The following PDE10A variants were observed in gnomAD, a reference collection of about 807,000 sequenced individuals.
PDE10A encodes cAMP and cAMP-inhibited cGMP 3',5'-cyclic phosphodiesterase 10A.
A neutral mutation model predicts 97.7 loss-of-function variants in PDE10A; 39 were observed. The ratio of observed to expected loss-of-function variants is 0.40; its 90% CI spans 0.31 to 0.52. The LOEUF is 0.52. PDE10A is among the 20% of genes least tolerant of loss of function. The pLI is 0.56. For synonymous variants in PDE10A, 371 were observed against 376.8 expected, an observed-to-expected ratio of 0.98 and a Z score of 0.18; for missense variants, 731 against 1,047.8, an observed-to-expected ratio of 0.70 and a Z score of 4.17.
chr6:165,540,106 C>T (rs1052061586), intron 2 of PDE10A, among the ~76,000 whole-genome samples: 2 of 152,064 alleles, frequency 1.3e-5, no homozygotes, highest in African/African-American at 4.8e-5. Flanking sequence ...TTCATTCATT[C>T]GAAAATGTGA....
At chr6:165,420,822 C>A (rs1273529437) in intron 10 of PDE10A, among the ~76,000 whole-genome samples, 2 of 152,180 alleles carry the variant, frequency 1.3e-5, no homozygotes, top group Non-Finnish European at 2.9e-5. Context: ...AAATCTTCAA[C>A]AAATTCCCGT....
rs143296549 is a variant in PDE10A at position 165,925,206 on chromosome 6, C to T, written c.-615+62323G>A. Among the ~76,000 whole-genome samples the T allele has an allele frequency of 9.6e-3, 1,458 of 152,270 alleles. 11 individuals are homozygous for T. Among genetic ancestry groups the T allele is most frequent in the Middle Eastern group, 0.024 (7 of 292 alleles). On this transcript the variant is annotated intron_variant, in intron 1 of 19. Transcript: ENST00000366882. ...AGCCTCAATGAGATATCACTATACA[C>T]CTGTCACAATACAAAAAATAAAAAA...
chr6:165,850,577 A>G (rs1166941246), intron 1 of PDE10A, among the ~76,000 whole-genome samples: 1 of 152,122 alleles, frequency 6.6e-6, no homozygotes, highest in Non-Finnish European at 1.5e-5. Flanking sequence ...TCAGAGTAGG[A>G]TCCATTCTGT....
At chr6:165,904,098 G>A (rs1782195302) in intron 1 of PDE10A, among the ~76,000 whole-genome samples, 1 of 152,180 alleles carries the variant, frequency 6.6e-6, no homozygotes, top group African/African-American at 2.4e-5. Flanking sequence ...ATAGGACGTA[G>A]GAGGGTTGTT....
At chr6:165,602,347 G>A (rs921817716) in intron 1 of PDE10A, among the ~76,000 whole-genome samples, 4 of 152,108 alleles carry the variant, frequency 2.6e-5, no homozygotes, top group African/African-American at 9.7e-5. Context: ...CAGCCCGTGT[G>A]AGTGGACTCT....
At chr6:165,784,522 G>A (rs944232795) in intron 1 of PDE10A, among the ~76,000 whole-genome samples, 3 of 152,164 alleles carry the variant, frequency 2.0e-5, no homozygotes, top group African/African-American at 7.2e-5. Flanking sequence ...TATTTTAAGA[G>A]CAGTTAAATG....
chr6:165,907,831 C>T (rs574677872), intron 1 of PDE10A, among the ~76,000 whole-genome samples: 1 of 152,310 alleles, frequency 6.6e-6, no homozygotes, highest in Admixed American at 6.5e-5. Context: ...TGCCTGGACA[C>T]CTCTAGCTCT....
intron 13 of PDE10A, among the ~76,000 whole-genome samples, chr6:165,404,613 C>T (rs567639476): frequency 7.2e-5 from 11 of 151,984 alleles, no homozygotes; most frequent in Non-Finnish European, 1.6e-4. Flanking sequence ...GCATGAGGGT[C>T]TCTCACAAGG....
At chr6:165,909,628 G>T (rs1313862018) in intron 1 of PDE10A, among the ~76,000 whole-genome samples, 1 of 152,182 alleles carries the variant, frequency 6.6e-6, no homozygotes, top group Admixed American at 6.5e-5. Context: ...ATCAGAAAGC[G>T]AATTGCTCCT....
chr6:165,347,545 C>G (rs555562235), intron 18 of PDE10A, among the ~76,000 whole-genome samples: 1 of 152,258 alleles, frequency 6.6e-6, no homozygotes, highest in African/African-American at 2.4e-5. Flanking sequence ...GAAAATGAAT[C>G]TTAGGTAAAT....
chr6:165,473,906 C>T (rs886647263), intron 3 of PDE10A, among the ~76,000 whole-genome samples: 1 of 152,132 alleles, frequency 6.6e-6, no homozygotes, highest in South Asian at 2.1e-4. Flanking sequence ...TTCCACAAGG[C>T]TCAGGTACTC....
chr6:165,806,415 T>A (rs977177629), intron 1 of PDE10A, among the ~76,000 whole-genome samples: 1 of 152,220 alleles, frequency 6.6e-6, no homozygotes, highest in African/African-American at 2.4e-5. Context: ...GAATGGGACC[T>A]GGCCCTCTCC....
At chr6:165,406,944 C>T (rs1453610650) in intron 13 of PDE10A, among the ~76,000 whole-genome samples, 3 of 152,132 alleles carry the variant, frequency 2.0e-5, no homozygotes, top group Non-Finnish European at 4.4e-5. Context: ...AGCCTTTGGC[C>T]TCTGACTCAG....
At chr6:165,435,188 TTAAA>T (rs1442552301) in intron 6 of PDE10A, 45 bp downstream of exon 6, 2 of 1,482,778 alleles carry the variant, frequency 1.3e-6, no homozygotes, top group Non-Finnish European at 1.9e-6. Context: ...TCTTTCTTAA[TTAAA>T]TACTTTAGGT....
At chr6:165,862,294 G>T (rs1780926370) in intron 1 of PDE10A, among the ~76,000 whole-genome samples, 1 of 152,156 alleles carries the variant, frequency 6.6e-6, no homozygotes, top group Non-Finnish European at 1.5e-5. Flanking sequence ...ATTCACAGGT[G>T]GCATGAAACC....
rs542849004 is a variant in PDE10A, at chr6:165,709,761, C to A, written c.-614-166193G>T. Among the ~76,000 whole-genome samples the A allele has an allele frequency of 2.1e-5, 3 of 144,408 alleles. No homozygotes were observed. In the East Asian group the frequency reaches 6.3e-4, roughly 30 times the overall value. The allele number at this position is 144,408 out of a possible 152,430, so 94.7% of individuals were successfully genotyped here. On this transcript the variant is annotated intron_variant, in intron 1 of 19. Coordinates refer to the PDE10A transcript ENST00000366882. Reference sequence around the variant, plus strand: ...TGCCAGGCTCTCCCTCTGCGAGCCGCAACCATGGCTCTTTCCTTCCCGGCA... The same window carrying A: ...TGCCAGGCTCTCCCTCTGCGAGCCGAAACCATGGCTCTTTCCTTCCCGGCA...
At chr6:165,855,311 G>GT (rs1339170514) in intron 1 of PDE10A, among the ~76,000 whole-genome samples, 1 of 150,722 alleles carries the variant, frequency 6.6e-6, no homozygotes, top group Non-Finnish European at 1.5e-5. Context: ...GTGGCGGGGG[G>GT]GGGGGGGGAC....
chr6:165,755,512 T>A (rs2323025), intron 1 of PDE10A, among the ~76,000 whole-genome samples: 2,396 of 152,280 alleles, frequency 0.016, 56 homozygotes, highest in African/African-American at 0.054. Context: ...CTCTTTTCCT[T>A]AAAATACGGC....
At chr6:165,802,540 G>A (rs1779010620) in intron 1 of PDE10A, among the ~76,000 whole-genome samples, 1 of 152,324 alleles carries the variant, frequency 6.6e-6, no homozygotes, top group African/African-American at 2.4e-5. Flanking sequence ...CCGCAAAGTG[G>A]TGGAGCAGAG....
Sources: allele counts gnomAD v4.1 joint callset (sites outside exome capture counted in the v4.1 genomes callset), GRCh38; gene constraint gnomAD v4.1.1; transcripts MANE v1.5; gene names NCBI Gene and HGNC (gene_info 2026-07-23, HGNC 2026-07-21).